The following TBC1D5 variants were observed in gnomAD, a reference collection of about 807,000 sequenced individuals.
The protein encoded by TBC1D5 is TBC1 domain family, member 5.
In TBC1D5, 75 loss-of-function variants were observed where a neutral mutation model predicts 100.3. The observed-to-expected ratio is 0.75, with a 90% CI of 0.62 to 0.91. The LOEUF (loss-of-function observed/expected upper bound fraction) is 0.91. Among genes scored for constraint, TBC1D5 ranks in the 40% least tolerant of loss-of-function variants. The pLI is 0.00. For missense variants in TBC1D5, 910 were observed against 942.4 expected (o/e 0.97, Z 0.45); for synonymous variants, 323 against 325.6 (o/e 0.99, Z 0.09).
intron 13 of TBC1D5, among the ~76,000 whole-genome samples, chr3:17,317,851 A>G (rs1374696443): frequency 1.3e-5 from 2 of 152,150 alleles, no homozygotes; most frequent in East Asian, 1.9e-4. Context: ...TAGAAATTCC[A>G]TTTGACCCAG....
chr3:17,710,016 C>A (rs1355861997), intron 1 of TBC1D5, among the ~76,000 whole-genome samples: 3 of 152,050 alleles, frequency 2.0e-5, no homozygotes, highest in Admixed American at 1.3e-4. Flanking sequence ...TATTTAGAAG[C>A]CTTGTGCTCA....
At chr3:17,276,972 G>A (rs1356064281) in intron 15 of TBC1D5, among the ~76,000 whole-genome samples, 1 of 152,214 alleles carries the variant, frequency 6.6e-6, no homozygotes, top group African/African-American at 2.4e-5. Context: ...AGAGCTGGCA[G>A]AAGCCTGAAG....
At chr3:17,165,059 C>A (rs2066452623) in intron 21 of TBC1D5, among the ~76,000 whole-genome samples, 1 of 152,216 alleles carries the variant, frequency 6.6e-6, no homozygotes, top group African/African-American at 2.4e-5. Context: ...CTCAGAAGCA[C>A]ACGCAGAGGT....
At chr3:17,389,586 C>T (rs904947786) in intron 8 of TBC1D5, among the ~76,000 whole-genome samples, 11 of 152,110 alleles carry the variant, frequency 7.2e-5, no homozygotes, top group Admixed American at 2.0e-4. Flanking sequence ...CACCTGAGAG[C>T]CAGCTTCAAT....
At chr3:17,167,030 AT>A in intron 20 of TBC1D5, 102 bp from the exon 22 acceptor site, 6 of 1,095,256 alleles carry the variant, frequency 5.5e-6, no homozygotes, top group South Asian at 2.1e-5. Context: ...GTCATCAATC[AT>A]TTTTTATAGT....
chr3:17,336,548 C>A lies in TBC1D5; in HGVS notation c.996-28414G>T, dbSNP rs546742113. ...CAAAGTTGTAAAATGGCTGCTACATCTCCAGCCATCATAAGAAAGAAAGAG... is the reference window on the plus strand; with the variant it reads ...CAAAGTTGTAAAATGGCTGCTACATATCCAGCCATCATAAGAAAGAAAGAG... On this transcript the variant is annotated intron_variant, in intron 13 of 21. Coordinates refer to ENST00000253692, the Ensembl canonical transcript of TBC1D5. Among the ~76,000 whole-genome samples, 33 of 152,136 alleles carry A rather than the reference C, an allele frequency of 2.2e-4. No individual in the cohort carries two copies. In the East Asian group the frequency reaches 4.8e-3, roughly 22 times the overall value.
chr3:17,551,402 A>T (rs941027048), intron 2 of TBC1D5, among the ~76,000 whole-genome samples: 9 of 152,276 alleles, frequency 5.9e-5, no homozygotes, highest in South Asian at 2.1e-4. Context: ...TTACAGCAAC[A>T]CACACAATAC....
At chr3:17,382,417 T>TA (rs954462487) in intron 9 of TBC1D5, among the ~76,000 whole-genome samples, 18 of 151,758 alleles carry the variant, frequency 1.2e-4, no homozygotes, top group African/African-American at 3.4e-4. Flanking sequence ...TCCAGTTTTT[T>TA]AAAAAAAACA....
At chr3:17,499,818 T>C (rs1018317599) in intron 3 of TBC1D5, among the ~76,000 whole-genome samples, 2 of 149,586 alleles carry the variant, frequency 1.3e-5, no homozygotes, top group Non-Finnish European at 2.9e-5. Flanking sequence ...AATGTTTGTT[T>C]CATATTTTAG....
chr3:17,689,684 C>G (rs1339291955), intron 1 of TBC1D5, among the ~76,000 whole-genome samples: 1 of 152,172 alleles, frequency 6.6e-6, no homozygotes, highest in African/African-American at 2.4e-5. Context: ...GCCTCTGTGT[C>G]TCAGATCAAA....
chr3:17,334,186 G>C (rs946883227), intron 13 of TBC1D5, among the ~76,000 whole-genome samples: 1 of 151,972 alleles, frequency 6.6e-6, no homozygotes, highest in African/African-American at 2.4e-5. Flanking sequence ...TGAGTAGCTT[G>C]AGGTAAGGAT....
intron 2 of TBC1D5, among the ~76,000 whole-genome samples, chr3:17,605,056 C>T (rs1404565409): frequency 1.3e-5 from 2 of 152,206 alleles, no homozygotes; most frequent in African/African-American, 4.8e-5. Flanking sequence ...GTACAGTTCT[C>T]TTCTGGGATA....
intron 1 of TBC1D5, among the ~76,000 whole-genome samples, chr3:17,718,489 C>T (rs770695724): frequency 6.6e-6 from 1 of 152,036 alleles, no homozygotes; most frequent in East Asian, 1.9e-4. Context: ...CCCAGCTACT[C>T]GGGAGGCTGA....
At chr3:17,574,693 G>T (rs1385830275) in intron 2 of TBC1D5, among the ~76,000 whole-genome samples, 1 of 152,050 alleles carries the variant, frequency 6.6e-6, no homozygotes, top group East Asian at 1.9e-4. Flanking sequence ...GCAAGTATAA[G>T]ATTTCTGGAC....
chr3:17,418,183 T>C (rs1230770117), intron 4 of TBC1D5, among the ~76,000 whole-genome samples: 2 of 152,212 alleles, frequency 1.3e-5, no homozygotes, highest in Non-Finnish European at 2.9e-5. Context: ...AGCAGCTTTA[T>C]TGATTTTCTT....
At chr3:17,285,165 C>T (rs368192909) in intron 15 of TBC1D5, among the ~76,000 whole-genome samples, 14 of 151,162 alleles carry the variant, frequency 9.3e-5, no homozygotes, top group South Asian at 8.4e-4. Context: ...CTGAATAGAC[C>T]GTCTGCTGGA....
At chr3:17,441,335 A>G (rs748970484) in intron 3 of TBC1D5, among the ~76,000 whole-genome samples, 28 of 152,348 alleles carry the variant, frequency 1.8e-4, no homozygotes, top group Non-Finnish European at 2.5e-4. Context: ...TCGGATAATT[A>G]TAAGAGCTGT....
At chr3:17,388,130 G>A (rs1044492768) in intron 8 of TBC1D5, among the ~76,000 whole-genome samples, 5 of 151,988 alleles carry the variant, frequency 3.3e-5, no homozygotes, top group Admixed American at 1.3e-4. Context: ...TTACTTTAGG[G>A]TAAAAGTCAT....
At chr3:17,706,126 C>T (rs1414406073) in intron 1 of TBC1D5, 10 of 1,604,642 alleles carry the variant, frequency 6.2e-6, no homozygotes, top group Non-Finnish European at 7.6e-6. Flanking sequence ...TCCAGCAAGT[C>T]GGGCTTGAGG....
Sources: allele counts gnomAD v4.1 joint callset (sites outside exome capture counted in the v4.1 genomes callset), GRCh38; gene constraint gnomAD v4.1.1; transcripts MANE v1.5; gene names NCBI Gene and HGNC (gene_info 2026-07-23, HGNC 2026-07-21).